The following MEGF11 variants were observed in gnomAD, a reference collection of about 807,000 sequenced individuals.
MEGF11 encodes the protein multiple epidermal growth factor-like domains protein 11.
MEGF11 carries 126 observed loss-of-function variants against 146.6 expected under a neutral mutation model. The observed-to-expected ratio is 0.86, with a 90% CI of 0.74 to 1.00. MEGF11 has a LOEUF of 1.00. MEGF11 is among the 50% of genes least tolerant of loss of function. The pLI, the probability that MEGF11 is intolerant of heterozygous loss-of-function variation, is 0.00. For missense variants in MEGF11, 1,509 were observed against 1,521.2 expected, an observed-to-expected ratio of 0.99 and a Z score of 0.13; for synonymous variants, 532 against 583.4, an observed-to-expected ratio of 0.91 and a Z score of 1.27.
At chr15:66,082,449 A>T (rs1303215470) in intron 5 of MEGF11, among the ~76,000 whole-genome samples, 13 of 113,844 alleles carry the variant, frequency 1.1e-4, no homozygotes, top group Non-Finnish European at 2.3e-4. Context: ...AAAAAAAAAA[A>T]AAAAAAAAAA....
At chr15:66,008,792 C>G (rs908998931) in intron 5 of MEGF11, among the ~76,000 whole-genome samples, 1 of 150,726 alleles carries the variant, frequency 6.6e-6, no homozygotes, top group South Asian at 2.1e-4. Context: ...CCCCTGCGCT[C>G]CAGCTTGGAC....
At chr15:66,079,419 G>A (rs532554612) in intron 5 of MEGF11, among the ~76,000 whole-genome samples, 53 of 152,278 alleles carry the variant, frequency 3.5e-4, no homozygotes, top group Admixed American at 6.5e-4. Flanking sequence ...ATATGCAGAG[G>A]AGAGCCCAGC....
At chr15:66,061,248 TG>T (rs571148964) in intron 5 of MEGF11, among the ~76,000 whole-genome samples, 11 of 152,186 alleles carry the variant, frequency 7.2e-5, no homozygotes, top group Non-Finnish European at 1.5e-4. Flanking sequence ...TGCCCCACCC[TG>T]ACTTCACAGA....
At chr15:66,126,785 C>T (rs1321860225) in intron 2 of MEGF11, among the ~76,000 whole-genome samples, 4 of 152,342 alleles carry the variant, frequency 2.6e-5, no homozygotes, top group African/African-American at 4.8e-5. Flanking sequence ...TTCCCGATAC[C>T]TCTCTGACCC....
intron 9 of MEGF11, among the ~76,000 whole-genome samples, chr15:65,960,301 A>C (rs2080813774): frequency 6.6e-6 from 1 of 152,262 alleles, no homozygotes; most frequent in African/African-American, 2.4e-5. Flanking sequence ...AAAGCAATAA[A>C]AATTGTAAAT....
chr15:65,957,451 G>T, intron 10 of MEGF11, 96 bp downstream of exon 10: 1 of 1,209,556 alleles, frequency 8.3e-7, no homozygotes, highest in Non-Finnish European at 1.2e-6. Flanking sequence ...CAAGGAGGCA[G>T]CTGGGTGCAG....
At chr15:66,068,191 G>T (rs1370687128) in intron 5 of MEGF11, among the ~76,000 whole-genome samples, 1 of 152,208 alleles carries the variant, frequency 6.6e-6, no homozygotes, top group Non-Finnish European at 1.5e-5. Flanking sequence ...ATAGGGCAGG[G>T]ATCCTGTCCT....
At chr15:66,088,381 G>A (rs2086195755) in intron 5 of MEGF11, among the ~76,000 whole-genome samples, 1 of 152,222 alleles carries the variant, frequency 6.6e-6, no homozygotes, top group South Asian at 2.1e-4. Context: ...AGGGGGCTGG[G>A]CGCAATGGCT....
intron 1 of MEGF11, among the ~76,000 whole-genome samples, chr15:66,170,082 A>G (rs913818670): frequency 6.6e-6 from 1 of 152,190 alleles, no homozygotes; most frequent in Non-Finnish European, 1.5e-5. Context: ...CCTTTTGTTC[A>G]TCTTTCTACC....
intron 5 of MEGF11, among the ~76,000 whole-genome samples, chr15:65,992,452 G>GGGC (rs1555459381): frequency 8.5e-5 from 2 of 23,440 alleles, no homozygotes; most frequent in Non-Finnish European, 1.4e-4. Context: ...TGTGTGTGTG[G>GGGC]GGGGGGGGGT....
At chr15:66,072,083 G>A (rs931326748) in intron 5 of MEGF11, among the ~76,000 whole-genome samples, 3 of 152,144 alleles carry the variant, frequency 2.0e-5, no homozygotes, top group African/African-American at 2.4e-5. Flanking sequence ...ATGCCTTCGC[G>A]TCCCCAGCCG....
intron 10 of MEGF11, among the ~76,000 whole-genome samples, chr15:65,953,432 C>G (rs529774299): frequency 6.6e-6 from 1 of 152,296 alleles, no homozygotes; most frequent in Non-Finnish European, 1.5e-5. Flanking sequence ...CCACCGCTGG[C>G]TTTGTGATCC....
chr15:65,973,182 C>T (rs2081350761), intron 7 of MEGF11, among the ~76,000 whole-genome samples: 1 of 151,436 alleles, frequency 6.6e-6, no homozygotes, highest in African/African-American at 2.4e-5. Flanking sequence ...CTAGGGACTG[C>T]AACAGAAGAC....
At chr15:66,067,868 T>G (rs1340997988) in intron 5 of MEGF11, among the ~76,000 whole-genome samples, 2 of 152,192 alleles carry the variant, frequency 1.3e-5, no homozygotes, top group Non-Finnish European at 2.9e-5. Context: ...GGGCTAAGCA[T>G]TCCAAGCTCC....
chr15:65,931,054 G>C (rs1181039984), intron 10 of MEGF11, 111 bp from the exon 11 acceptor site: 1 of 1,273,188 alleles, frequency 7.9e-7, no homozygotes, highest in African/African-American at 1.5e-5. Flanking sequence ...CCTAATCCCT[G>C]GGATCTGTGA....
intron 2 of MEGF11, among the ~76,000 whole-genome samples, chr15:66,126,250 A>G (rs561585407): frequency 2.0e-5 from 3 of 152,302 alleles, no homozygotes; most frequent in African/African-American, 7.2e-5. Flanking sequence ...CCCTCCACAT[A>G]TAACTTACAA....
In MEGF11 at chr15:65,909,753, A is replaced by G; in HGVS notation, c.2883T>C (p.Tyr961=). ...RDTAGWTPYS[Y]VNVLDSHFQI... is the part of the protein sequence containing the mutation. ...ACCACTACTGACCTAACACGTTCAC[A>G]TAGCTGTAGGGGGTCCAGCCTGCTG... Residue 961 remains tyrosine (Y), a synonymous_variant, in exon 22 of 26, where the codon TAT becomes TAC. Transcript: ENST00000395614. 6 of 1,582,488 alleles carry G rather than the reference A, an allele frequency of 3.8e-6. No homozygotes were observed. The highest frequency in any genetic ancestry group is 5.1e-6 in the Non-Finnish European group (6 of 1,172,042).
At chr15:66,002,354 G>T (rs1764241923) in intron 5 of MEGF11, among the ~76,000 whole-genome samples, 1 of 152,184 alleles carries the variant, frequency 6.6e-6, no homozygotes, top group African/African-American at 2.4e-5. Flanking sequence ...TAGGGGTGAG[G>T]ACGGGGGTGG....
At chr15:66,112,066 G>A (rs2087451429) in intron 4 of MEGF11, among the ~76,000 whole-genome samples, 1 of 144,784 alleles carries the variant, frequency 6.9e-6, no homozygotes, top group Non-Finnish European at 1.5e-5. Flanking sequence ...GGAAGAAAGG[G>A]CTAATAGTTA....
Sources: gnomAD v4.1 joint callset for allele counts (sites outside exome capture counted in the v4.1 genomes callset) on GRCh38, gnomAD v4.1.1 for gene constraint, MANE v1.5 for transcripts, NCBI Gene and HGNC (gene_info 2026-07-23, HGNC 2026-07-21) for gene names.